AKR1E2: variants seen among roughly 807,000 people sequenced by gnomAD.
AKR1E2 encodes aldo-keto reductase family 1 member E2, also known as 1,5-anhydro-D-fructose reductase.
AKR1E2 carries 43 observed loss-of-function variants against 41.9 expected under a neutral mutation model. The observed-to-expected ratio is 1.03, with a 90% CI of 0.80 to 1.32. The LOEUF is 1.32. AKR1E2 is among the 40% of genes most tolerant of loss of function. The probability of loss-of-function intolerance (pLI) is 0.00; values close to 1 mark genes in which losing one functional copy is unlikely to be tolerated. For missense variants in AKR1E2, 423 were observed against 396.5 expected, an observed-to-expected ratio of 1.07 and a Z score of -0.57; for synonymous variants, 121 against 138.9, an observed-to-expected ratio of 0.87 and a Z score of 0.91.
At chr10:4,827,075 GAA>G (rs5782783) in intron 1 of AKR1E2, among the ~76,000 whole-genome samples, 9 of 123,110 alleles carry the variant, frequency 7.3e-5, no homozygotes, top group Non-Finnish European at 1.2e-4. Context: ...GACCTTGCTG[GAA>G]AAAAAAAAAA....
At chr10:4,873,055 C>T in the AKR1E2 span, among the ~76,000 whole-genome samples, 1 of 152,134 alleles carries the variant, frequency 6.6e-6, no homozygotes. Context: ...ACCCAAATCT[C>T]ATCTTGAATT....
At chr10:4,833,999 G>A (rs1833191240) in intron 3 of AKR1E2, among the ~76,000 whole-genome samples, 1 of 152,160 alleles carries the variant, frequency 6.6e-6, no homozygotes, top group East Asian at 1.9e-4. Flanking sequence ...CTGAGCCATG[G>A]CTCTGTCACT....
In AKR1E2 at chr10:4,837,573, A is replaced by C. The variant is rs1833531438; in HGVS notation, c.574A>C (p.Thr192Pro). The C allele has an allele frequency of 6.2e-7, 1 of 1,613,358 alleles. No individual in the cohort carries two copies. The highest frequency in any genetic ancestry group is 8.5e-7 in the Non-Finnish European group (1 of 1,179,410). ...GCCTGGGTTGAGGTTCAAGCCACTA[A>C]CCAACCAGGTAAGCCGATGGAAGCA... ...NKPGLRFKPL[T>P]NQIECHPYLT... is the part of the protein sequence containing the mutation. Residue 192 changes from threonine (T) to proline (P), a missense_variant, in exon 5 of 10, where the codon ACC becomes CCC. Coordinates refer to ENST00000298375, the MANE Select transcript of AKR1E2 (RefSeq NM_001040177.3).
At chr10:4,843,873 C>T (rs1308885503) in intron 8 of AKR1E2, among the ~76,000 whole-genome samples, 1 of 152,224 alleles carries the variant, frequency 6.6e-6, no homozygotes, top group Non-Finnish European at 1.5e-5. Context: ...TGGCCCAGAG[C>T]AGCTCTGGGT....
At chr10:4,839,309 C>G (rs1293256059) in intron 5 of AKR1E2, among the ~76,000 whole-genome samples, 1 of 152,182 alleles carries the variant, frequency 6.6e-6, no homozygotes, top group Non-Finnish European at 1.5e-5. Context: ...AAACAAAAAT[C>G]TCTATCTTCA....
chr10:4,853,617 A>G, the AKR1E2 span, among the ~76,000 whole-genome samples: 4 of 152,312 alleles, frequency 2.6e-5, no homozygotes, highest in Admixed American at 6.5e-5. Flanking sequence ...ACCAATCCGT[A>G]TAAGTGAGAT....
rs567336778 is a variant in AKR1E2, at chr10:4,847,140, G to A, written c.838-8G>A. 7 of 1,613,402 alleles carry A rather than the reference G, an allele frequency of 4.3e-6. No individual in the cohort carries two copies. The East Asian group carries it at 1.6e-4, about 36-fold the overall frequency. On this transcript the variant is annotated splice_polypyrimidine_tract_variant and splice_region_variant and intron_variant, in intron 8 of 9. Coordinates refer to ENST00000298375, the MANE Select transcript of AKR1E2 (RefSeq NM_001040177.3). Reference sequence around the variant, plus strand: ...AAGTTTTCTACAAACATTGTGTTTTGGTTCCAGGTGTTTGATTTTGAATTA... The same window carrying A: ...AAGTTTTCTACAAACATTGTGTTTTAGTTCCAGGTGTTTGATTTTGAATTA...
At chr10:4,844,469 G>A (rs1017883248) in intron 8 of AKR1E2, among the ~76,000 whole-genome samples, 1 of 152,178 alleles carries the variant, frequency 6.6e-6, no homozygotes, top group African/African-American at 2.4e-5. Context: ...GTGCTGGCTT[G>A]GGCAGCCTGC....
intron 2 of AKR1E2, among the ~76,000 whole-genome samples, chr10:4,832,880 C>G (rs75216269): frequency 0.035 from 5,301 of 152,184 alleles, 147 homozygotes; most frequent in East Asian, 0.11. Context: ...AAGGAGATAG[C>G]TAAAAGAAGT....
intron 1 of AKR1E2, among the ~76,000 whole-genome samples, chr10:4,827,038 T>G (rs556744512): frequency 1.9e-4 from 27 of 139,608 alleles, no homozygotes; most frequent in Non-Finnish European, 3.0e-4. Context: ...ATGGCGCCAC[T>G]GCACTCCAGC....
At chr10:4,826,612 A>G (rs1482739168) in intron 1 of AKR1E2, among the ~76,000 whole-genome samples, 1 of 151,894 alleles carries the variant, frequency 6.6e-6, no homozygotes, top group Non-Finnish European at 1.5e-5. Flanking sequence ...CTCGGCAGCC[A>G]AGCCTCAGAC....
chr10:4,833,070 A>G lies in AKR1E2; in HGVS notation c.208-280A>G, dbSNP rs2167703. ...ATTTTCGTTTTTGTTTTTGGTCCCAATGAATCCAAATAACCATCAAATATC... is the reference window on the plus strand; with the variant it reads ...ATTTTCGTTTTTGTTTTTGGTCCCAGTGAATCCAAATAACCATCAAATATC... On this transcript the variant is annotated intron_variant, in intron 2 of 9. Coordinates refer to ENST00000298375, the MANE Select transcript of AKR1E2 (RefSeq NM_001040177.3). Among the ~76,000 whole-genome samples the G allele has an allele frequency of 0.21, 31,261 of 152,202 alleles. 3,398 individuals are homozygous for G. The highest frequency in any genetic ancestry group is 0.35 in the Middle Eastern group (102 of 294).
intron 3 of AKR1E2, among the ~76,000 whole-genome samples, chr10:4,834,794 T>C (rs1001797478): frequency 7.9e-5 from 12 of 152,232 alleles, no homozygotes; most frequent in Non-Finnish European, 1.5e-4. Flanking sequence ...TCTCAGATCA[T>C]CCAACAAATT....
chr10:4,839,023 G>A (rs531411842), intron 5 of AKR1E2, among the ~76,000 whole-genome samples: 4 of 152,218 alleles, frequency 2.6e-5, no homozygotes, highest in South Asian at 2.1e-4. Context: ...GAGAGCAAAC[G>A]CACTATTCAT....
At chr10:4,862,380 G>A in the AKR1E2 span, among the ~76,000 whole-genome samples, 2 of 152,118 alleles carry the variant, frequency 1.3e-5, no homozygotes, top group Non-Finnish European at 2.9e-5. Flanking sequence ...CTCCAGCTTT[G>A]TTCTTTTGGC....
chr10:4,864,692 T>C, the AKR1E2 span, among the ~76,000 whole-genome samples: 34,193 of 151,890 alleles, frequency 0.23, 4,062 homozygotes, highest in Middle Eastern at 0.34. Flanking sequence ...GATGACATGA[T>C]TGTATATCTA....
chr10:4,839,821 C>T lies in AKR1E2; in HGVS notation c.675C>T (p.Gly225=). ...VSVTAYRPLG[G]SCEGVDLIDN... ...TGACTGCTTACCGTCCTCTTGGTGG[C>T]TCGTGGTAAGGATACCTCAGTGGTG... The change falls in exon 6 of 10, where the codon GGC becomes GGT. Residue 225 remains glycine, a synonymous_variant. Coordinates refer to ENST00000298375, the MANE Select transcript of AKR1E2 (RefSeq NM_001040177.3). 5 of 1,613,778 alleles carry T rather than the reference C, an allele frequency of 3.1e-6. No individual in the cohort carries two copies. Among genetic ancestry groups the T allele is most frequent in the Non-Finnish European group, 4.2e-6 (5 of 1,179,780 alleles).
chr10:4,832,904 C>A (rs191994291), intron 2 of AKR1E2, among the ~76,000 whole-genome samples: 1 of 152,302 alleles, frequency 6.6e-6, no homozygotes, highest in African/African-American at 2.4e-5. Flanking sequence ...GCAGTGTGAG[C>A]TAACTCACCT....
At chr10:4,872,849 C>T in the AKR1E2 span, among the ~76,000 whole-genome samples, 3 of 152,124 alleles carry the variant, frequency 2.0e-5, no homozygotes, top group South Asian at 6.2e-4. Flanking sequence ...AAAGGCTCTT[C>T]TAGGACGAGT....
Sources: gnomAD v4.1 joint callset for allele counts (sites outside exome capture counted in the v4.1 genomes callset) on GRCh38, gnomAD v4.1.1 for gene constraint, MANE v1.5 for transcripts, NCBI Gene and HGNC (gene_info 2026-07-23, HGNC 2026-07-21) for gene names.